ADAMTSL1: variants seen among roughly 807,000 people sequenced by gnomAD.
ADAMTSL1 encodes ADAMTS like 1, also known as ADAMTS-like protein 1.
ADAMTSL1 carries 126 observed loss-of-function variants against 201.8 expected under a neutral mutation model. The observed-to-expected ratio is 0.62, with a 90% CI of 0.54 to 0.72. The LOEUF (loss-of-function observed/expected upper bound fraction) is 0.72, where lower values mean the gene tolerates loss of function less well. ADAMTSL1 is among the 30% of genes least tolerant of loss of function. The probability of loss-of-function intolerance (pLI) is 0.00; values close to 1 mark genes in which losing one functional copy is unlikely to be tolerated. For synonymous variants in ADAMTSL1, 1,121 were observed against 903.4 expected, an observed-to-expected ratio of 1.24 and a Z score of -4.32; for missense variants, 2,679 against 2,277.8, an observed-to-expected ratio of 1.18 and a Z score of -3.59.
chr9:18,558,061 C>A (rs893057823), intron 3 of ADAMTSL1, among the ~76,000 whole-genome samples: 3 of 152,060 alleles, frequency 2.0e-5, no homozygotes, highest in African/African-American at 7.2e-5. Context: ...GCAGAACGTG[C>A]AGGTTTGTTA....
chr9:18,436,665 GCT>G (rs1417866991), intron 2 of ADAMTSL1, among the ~76,000 whole-genome samples: 1 of 152,082 alleles, frequency 6.6e-6, no homozygotes, highest in African/African-American at 2.4e-5. Context: ...ACACTTTTCA[GCT>G]CTTATTTTAC....
At chr9:18,848,638 C>G (rs1240153537) in intron 23 of ADAMTSL1, among the ~76,000 whole-genome samples, 1 of 152,164 alleles carries the variant, frequency 6.6e-6, no homozygotes, top group Non-Finnish European at 1.5e-5. Flanking sequence ...TTGGAGCACC[C>G]CAGCCTGGAA....
At chr9:18,565,559 C>A (rs1821830700) in intron 3 of ADAMTSL1, among the ~76,000 whole-genome samples, 1 of 143,860 alleles carries the variant, frequency 7.0e-6, no homozygotes, top group African/African-American at 2.6e-5. Flanking sequence ...GCCATTTAAT[C>A]CTAGTTATGA....
chr9:18,236,901 C>T (rs868433180), intron 2 of ADAMTSL1, among the ~76,000 whole-genome samples: 1 of 152,154 alleles, frequency 6.6e-6, no homozygotes, highest in Non-Finnish European at 1.5e-5. Flanking sequence ...CAGGAAACTT[C>T]CAGATTTATG....
intron 19 of ADAMTSL1, among the ~76,000 whole-genome samples, chr9:18,784,566 A>C (rs1414358820): frequency 6.6e-6 from 1 of 152,180 alleles, no homozygotes; most frequent in Non-Finnish European, 1.5e-5. Flanking sequence ...TATGTTCTCC[A>C]CTAAAGAAGT....
Position 18,732,065 on chromosome 9 carries a change from T to G in ADAMTSL1, c.2006+10400T>G, listed in dbSNP as rs796150081. On this transcript the variant is annotated intron_variant, in intron 15 of 28. Coordinates refer to ENST00000380548, the MANE Select transcript of ADAMTSL1 (RefSeq NM_001040272.6). ...TAATTATCCCAACCACAGAGCAGGGTTGGTAAGGATGATCGCATATGTAAA... is the reference window on the plus strand; with the variant it reads ...TAATTATCCCAACCACAGAGCAGGGGTGGTAAGGATGATCGCATATGTAAA... 1.6e-3 allele frequency among the ~76,000 whole-genome samples: 251 copies of G among 152,312 alleles called. 2 individuals are homozygous for G. The highest frequency in any genetic ancestry group is 5.7e-3 in the African/African-American group (236 of 41,574).
intron 23 of ADAMTSL1, among the ~76,000 whole-genome samples, chr9:18,880,443 G>A (rs1456638982): frequency 4.6e-5 from 7 of 152,168 alleles, no homozygotes; most frequent in African/African-American, 1.4e-4. Flanking sequence ...TGTTATGTTC[G>A]CAGAAATGAA....
intron 2 of ADAMTSL1, among the ~76,000 whole-genome samples, chr9:18,195,422 T>G (rs995158124): frequency 2.0e-5 from 3 of 152,136 alleles, no homozygotes; most frequent in African/African-American, 7.2e-5. Context: ...GACAGGTTAT[T>G]GTAGTCTTAT....
At chr9:18,796,875 C>T (rs2131055000) in intron 20 of ADAMTSL1, 1 of 152,368 alleles carries the variant, frequency 6.6e-6, no homozygotes, top group South Asian at 2.1e-4. Flanking sequence ...AGCAAGGGCA[C>T]TGCTGACATC....
intron 4 of ADAMTSL1, among the ~76,000 whole-genome samples, chr9:18,582,877 T>A (rs979134213): frequency 6.7e-6 from 1 of 150,090 alleles, no homozygotes; most frequent in African/African-American, 2.4e-5. Context: ...TAAAATAAAA[T>A]AAAATAAAAT....
intron 7 of ADAMTSL1, among the ~76,000 whole-genome samples, chr9:18,644,503 T>C (rs1367986973): frequency 6.6e-6 from 1 of 151,994 alleles, no homozygotes; most frequent in Non-Finnish European, 1.5e-5. Flanking sequence ...TGTCATTTGG[T>C]ATTAGGTATA....
intron 4 of ADAMTSL1, among the ~76,000 whole-genome samples, chr9:18,609,701 A>G (rs1201944508): frequency 1.3e-5 from 2 of 152,174 alleles, no homozygotes; most frequent in Non-Finnish European, 2.9e-5. Flanking sequence ...CTATTTGCAC[A>G]GTGACTACAT....
chr9:18,799,811 C>G (rs1563811267), intron 20 of ADAMTSL1, among the ~76,000 whole-genome samples: 1 of 152,092 alleles, frequency 6.6e-6, no homozygotes, highest in Non-Finnish European at 1.5e-5. Context: ...TCACAGAAAC[C>G]TCACTGGGAA....
At chr9:18,648,152 T>C (rs940021825) in intron 7 of ADAMTSL1, among the ~76,000 whole-genome samples, 1 of 142,672 alleles carries the variant, frequency 7.0e-6, no homozygotes, top group African/African-American at 2.5e-5. Context: ...TGGCCTTCTT[T>C]GTCTCTTTTG....
At chr9:18,615,726 C>A (rs1386295744) in intron 4 of ADAMTSL1, among the ~76,000 whole-genome samples, 1 of 152,142 alleles carries the variant, frequency 6.6e-6, no homozygotes, top group African/African-American at 2.4e-5. Flanking sequence ...AGGTAGGCAA[C>A]CAATTCCTTT....
At chr9:18,779,758 C>T (rs376035301) in intron 19 of ADAMTSL1, among the ~76,000 whole-genome samples, 117 of 152,254 alleles carry the variant, frequency 7.7e-4, no homozygotes, top group African/African-American at 2.7e-3. Context: ...GTGTGTGGAC[C>T]CAGGGTGATG....
chr9:18,754,184 T>A (rs10738516), intron 16 of ADAMTSL1, among the ~76,000 whole-genome samples: 93,611 of 152,196 alleles, frequency 0.62, 29,118 homozygotes, highest in East Asian at 0.76. Context: ...GTTGTGATAG[T>A]GAACATATGG....
intron 2 of ADAMTSL1, among the ~76,000 whole-genome samples, chr9:18,412,418 G>T (rs958874243): frequency 6.6e-6 from 1 of 152,042 alleles, no homozygotes; most frequent in Non-Finnish European, 1.5e-5. Context: ...TTTCATTACT[G>T]GTTGTAAAAT....
intron 2 of ADAMTSL1, among the ~76,000 whole-genome samples, chr9:18,242,830 T>G (rs1831121030): frequency 6.6e-6 from 1 of 152,120 alleles, no homozygotes; most frequent in Non-Finnish European, 1.5e-5. Context: ...ATAACATTGA[T>G]GAAAGCAATT....
Sources: allele counts gnomAD v4.1 joint callset (sites outside exome capture counted in the v4.1 genomes callset), GRCh38; gene constraint gnomAD v4.1.1; transcripts MANE v1.5; gene names NCBI Gene and HGNC (gene_info 2026-07-23, HGNC 2026-07-21).